SLC3A2: variants seen among roughly 807,000 people sequenced by gnomAD.
SLC3A2 encodes amino acid transporter heavy chain SLC3A2.
In SLC3A2, 32 loss-of-function variants were observed where a neutral mutation model predicts 48.5. The observed-to-expected ratio is 0.66, with a 90% CI of 0.50 to 0.89. SLC3A2 has a LOEUF of 0.89. Among genes scored for constraint, SLC3A2 ranks in the 40% least tolerant of loss-of-function variants. SLC3A2 has a pLI of 0.00. For synonymous variants in SLC3A2, 277 were observed against 288.8 expected (o/e 0.96, Z 0.41); for missense variants, 587 against 680.7 (o/e 0.86, Z 1.53).
At chr11:62,880,809 T>TG (rs1000431895), upstream of SLC3A2, 18 of 1,013,350 alleles carry the variant, frequency 1.8e-5, no homozygotes, top group Non-Finnish European at 2.5e-5. Context: ...CGCCCACGGC[T>TG]GGGGCAGTCC....
In SLC3A2 at chr11:62,867,322, C is replaced by CT. The variant is rs56758000; in HGVS notation, c.112+10963dup. Reference sequence around the variant, plus strand: ...CCCTTTATTCTTTCTCTTTTCTTTTCTTTTTTTTTTTTTTTTTTTTTTGAT... The same window carrying CT: ...CCCTTTATTCTTTCTCTTTTCTTTTCTTTTTTTTTTTTTTTTTTTTTTTGAT... On this transcript the variant is annotated intron_variant, in intron 1 of 9. Transcript: ENST00000377889. Among the ~76,000 whole-genome samples the CT allele has an allele frequency of 2.2e-3, 149 of 67,662 alleles. 1 individual carries two copies. Among genetic ancestry groups the CT allele is most frequent in the African/African-American group, 4.2e-3 (82 of 19,506 alleles). 44.4% of individuals were successfully genotyped at this position (67,662 alleles called of 152,430 possible).
At chr11:62,870,857 T>TAA (rs200255100) in intron 1 of SLC3A2, 2,377 of 127,588 alleles carry the variant, frequency 0.019, 28 homozygotes, top group East Asian at 0.077. Flanking sequence ...ATAATAATAA[T>TAA]TATTATTATT....
rs2085695765 is a variant in SLC3A2, at chr11:62,885,291, G to A, written c.933G>A (p.Gly311=). Residue 311 remains glycine, a synonymous_variant, in exon 6 of 9, where the codon GGG becomes GGA. Transcript: ENST00000338663. Reference sequence around the variant, plus strand: ...ACCTGTCTGATTCTGGTTCTACTGGGGAGCATACAAAATCCCTAGTCACAC... The same window carrying A: ...ACCTGTCTGATTCTGGTTCTACTGGAGAGCATACAAAATCCCTAGTCACAC... ...SSYLSDSGST[G]EHTKSLVTQY... The A allele has an allele frequency of 2.5e-6, 4 of 1,614,066 alleles. No homozygotes were observed. The highest frequency in any genetic ancestry group is 2.2e-5 in the East Asian group (1 of 44,896).
intron 1 of SLC3A2, among the ~76,000 whole-genome samples, chr11:62,862,520 C>T (rs569060811): frequency 6.6e-6 from 1 of 151,964 alleles, no homozygotes; most frequent in East Asian, 1.9e-4. Flanking sequence ...TCCCTATCGC[C>T]ACCCCTCCCC....
intron 1 of SLC3A2, among the ~76,000 whole-genome samples, chr11:62,873,302 C>T (rs2085536437): frequency 6.6e-6 from 1 of 151,924 alleles, no homozygotes; most frequent in Non-Finnish European, 1.5e-5. Flanking sequence ...GCCTGGCCAA[C>T]ATTAGTGAAA....
chr11:62,879,713 GAGAA>G (rs1343087345), upstream of SLC3A2, among the ~76,000 whole-genome samples: 1 of 152,236 alleles, frequency 6.6e-6, no homozygotes, highest in Non-Finnish European at 1.5e-5. Flanking sequence ...GTGGGAAAGG[GAGAA>G]AGAACCGATT....
In SLC3A2 at chr11:62,882,349, CAG is replaced by C. The variant is rs550661336; in HGVS notation, c.598+284_598+285del. 82 of 359,944 alleles carry C rather than the reference CAG, an allele frequency of 2.3e-4. No homozygotes were observed. In the East Asian group the frequency reaches 4.5e-3, roughly 20 times the overall value. 22.3% of individuals were successfully genotyped at this position (359,944 alleles called of 1,614,324 possible). On this transcript the variant is annotated intron_variant, in intron 2 of 8. Transcript: ENST00000338663. Reference sequence around the variant, plus strand: ...AACCAGTGGTTTTAAACTTGTAAAACAGTAGGTTTTTTTGGGGGGGGGGAATC... The same window carrying C: ...AACCAGTGGTTTTAAACTTGTAAAACTAGGTTTTTTTGGGGGGGGGGAATC...
intron 3 of SLC3A2, chr11:62,884,068 G>A (rs912065977): frequency 2.6e-5 from 12 of 462,600 alleles, no homozygotes; most frequent in Admixed American, 1.4e-4. Flanking sequence ...GACTGTGGAC[G>A]CGTCTCCCTG....
chr11:62,857,071 C>T (rs1361190726), intron 1 of SLC3A2, among the ~76,000 whole-genome samples: 2 of 152,046 alleles, frequency 1.3e-5, no homozygotes, highest in Admixed American at 1.3e-4. Flanking sequence ...GATCCGCCTG[C>T]CTCGGCCTCC....
chr11:62,887,013 C>G (rs1315512888), intron 7 of SLC3A2, among the ~76,000 whole-genome samples: 1 of 152,134 alleles, frequency 6.6e-6, no homozygotes, highest in African/African-American at 2.4e-5. Context: ...GCTATGATTA[C>G]AGGTGCGAGC....
In SLC3A2 at chr11:62,884,510, CAT is replaced by C; in HGVS notation, c.746_747del (p.Ile249ArgfsTer12). The C allele has an allele frequency of 6.2e-7, 1 of 1,614,198 alleles. No individual in the cohort carries two copies. The highest frequency in any genetic ancestry group is 8.5e-7 in the Non-Finnish European group (1 of 1,180,044). ...AGVDGFQVRD[I>X]ENLKDASSFL... ...GCGTGGATGGGTTCCAGGTTCGGGACATAGAGAATCTGAAGGTGAGTTCCCTT... is the reference window on the plus strand; with the variant it reads ...GCGTGGATGGGTTCCAGGTTCGGGACAGAGAATCTGAAGGTGAGTTCCCTT... On this transcript the variant is annotated frameshift_variant, in exon 4 of 9. Transcript: ENST00000338663. LOFTEE classifies it high-confidence loss of function.
chr11:62,882,281 C>A (rs771394340), intron 2 of SLC3A2: 2 of 571,028 alleles, frequency 3.5e-6, no homozygotes, highest in East Asian at 6.0e-5. Flanking sequence ...CATTTAACTT[C>A]TGGGCTTCAG....
chr11:62,860,455 C>CA lies in SLC3A2; in HGVS notation c.112+4089dup, dbSNP rs775568814. 4.2e-3 allele frequency among the ~76,000 whole-genome samples: 447 copies of CA among 105,968 alleles called. 2 individuals carry two copies. The highest frequency in any genetic ancestry group is 0.011 in the African/African-American group (306 of 28,412). The allele number at this position is 105,968 out of a possible 152,430, so 69.5% of individuals were successfully genotyped here. A position where few individuals can be genotyped will look rare whatever the true frequency, so the allele number is the denominator to read the frequency against. ...TGGGCGACAAGGCGAGACTCTGTCT[C>CA]AAAAAAAAAAAAAAAGCAGTATTGC... is the stretch of plus-strand genomic sequence containing the variant. On this transcript the variant is annotated intron_variant, in intron 1 of 9. Coordinates refer to the SLC3A2 transcript ENST00000377889.
upstream of SLC3A2, chr11:62,877,029 T>A (rs1329062655): frequency 1.1e-5 from 9 of 817,592 alleles, no homozygotes; most frequent in Non-Finnish European, 1.3e-5. Flanking sequence ...ACATGCTAGT[T>A]TTTTTCAGTT....
upstream of SLC3A2, chr11:62,856,130 A>C (rs1590608067): frequency 3.1e-6 from 2 of 637,068 alleles, no homozygotes; most frequent in Non-Finnish European, 5.2e-6. Context: ...TGGTTTTCTC[A>C]CCCAGTGCAT....
intron 1 of SLC3A2, among the ~76,000 whole-genome samples, chr11:62,872,137 G>T (rs558840113): frequency 1.0e-3 from 157 of 152,140 alleles, no homozygotes; most frequent in African/African-American, 3.3e-3. Flanking sequence ...GGATGGTCTC[G>T]ATCTCCTGAC....
intron 1 of SLC3A2, among the ~76,000 whole-genome samples, chr11:62,873,954 C>T (rs935734408): frequency 1.2e-4 from 16 of 137,840 alleles, no homozygotes; most frequent in African/African-American, 4.1e-4. Context: ...CAGGTACTTG[C>T]ACCATGCCCA....
chr11:62,867,344 T>G (rs2085464244), intron 1 of SLC3A2, among the ~76,000 whole-genome samples: 1 of 77,826 alleles, frequency 1.3e-5, no homozygotes, highest in Non-Finnish European at 2.7e-5. Context: ...TTTTTTTTTT[T>G]GATACAGAGT....
intron 3 of SLC3A2, chr11:62,883,268 A>G (rs548960589): frequency 4.8e-6 from 2 of 416,196 alleles, no homozygotes; most frequent in African/African-American, 4.0e-5. Flanking sequence ...TCAGTCTGGA[A>G]GTTTGATTTT....
Sources: gnomAD v4.1 joint callset for allele counts (sites outside exome capture counted in the v4.1 genomes callset) on GRCh38, gnomAD v4.1.1 for gene constraint, MANE v1.5 for transcripts, NCBI Gene and HGNC (gene_info 2026-07-23, HGNC 2026-07-21) for gene names.